The following ZNF730 variants were observed in gnomAD, a reference collection of about 807,000 sequenced individuals.
The protein encoded by ZNF730 is zinc finger protein 730.
ZNF730 carries 12 observed loss-of-function variants against 12.6 expected under a neutral mutation model. The ratio of observed to expected loss-of-function variants is 0.95; its 90% CI spans 0.61 to 1.54. The LOEUF is 1.54. Ranked by LOEUF, ZNF730 falls within the 40% of genes most tolerant of loss-of-function variation. The probability of loss-of-function intolerance (pLI) is 0.00; values close to 1 mark genes in which losing one functional copy is unlikely to be tolerated. For missense variants in ZNF730, 643 were observed against 583.5 expected (o/e 1.10, Z -1.05); for synonymous variants, 194 against 195.8 (o/e 0.99, Z 0.08).
At chr19:23,083,553 G>T (rs1970004235) in intron 1 of ZNF730, among the ~76,000 whole-genome samples, 1 of 151,578 alleles carries the variant, frequency 6.6e-6, no homozygotes, top group Admixed American at 6.6e-5. Flanking sequence ...CCCGCCAACA[G>T]TGTGTATGTG....
chr19:23,090,450 G>T (rs1195559776), intron 1 of ZNF730, among the ~76,000 whole-genome samples: 2 of 152,126 alleles, frequency 1.3e-5, no homozygotes, highest in Non-Finnish European at 2.9e-5. Context: ...TTCAAGAGGT[G>T]ACTTGGGTAC....
intron 1 of ZNF730, among the ~76,000 whole-genome samples, chr19:23,105,227 C>T (rs1436241372): frequency 1.3e-5 from 2 of 151,396 alleles, no homozygotes; most frequent in Non-Finnish European, 2.9e-5. Flanking sequence ...AAGCAATTCT[C>T]TGCCTCAGCC....
In ZNF730 at chr19:23,105,755, G is replaced by C. The variant is rs565117861; in HGVS notation, c.-93-28325G>C. On this transcript the variant is annotated intron_variant, in intron 1 of 2. Transcript: ENST00000593635. ...GCAAACCTTTTTGTGGCTGTGTATT[G>C]CTAACTTTATTTTCAATTGCAAAAA... 2.5e-4 allele frequency among the ~76,000 whole-genome samples: 38 copies of C among 152,234 alleles called. 1 individual carries two copies. The highest frequency in any genetic ancestry group is 9.1e-4 in the African/African-American group (38 of 41,552).
intron 1 of ZNF730, among the ~76,000 whole-genome samples, chr19:23,104,182 G>A (rs1042917611): frequency 2.0e-5 from 3 of 151,632 alleles, no homozygotes; most frequent in African/African-American, 7.3e-5. Context: ...GGCACCTCTA[G>A]TCTCAGCTAC....
rs1205278971 is a variant in ZNF730 at position 23,138,111 on chromosome 19, G to A, written c.226+2068G>A. Among the ~76,000 whole-genome samples, 3 of 63,708 alleles carry A rather than the reference G, an allele frequency of 4.7e-5. 1 individual carries two copies. Among genetic ancestry groups the A allele is most frequent in the Non-Finnish European group, 7.3e-5 (2 of 27,496 alleles). The allele number at this position is 63,708 out of a possible 152,430, so 41.8% of individuals were successfully genotyped here. A position where few individuals can be genotyped will look rare whatever the true frequency, so the allele number is the denominator to read the frequency against. ...ATCCCGGCTAAAACGGTGAAACCCCGTCTCTACTAAAAATACAAAAAATTA... is the reference window on the plus strand; with the variant it reads ...ATCCCGGCTAAAACGGTGAAACCCCATCTCTACTAAAAATACAAAAAATTA... On this transcript the variant is annotated intron_variant, in intron 3 of 3. Coordinates refer to ENST00000597761, the MANE Select transcript of ZNF730 (RefSeq NM_001277403.2).
chr19:23,089,091 C>T (rs933045266), intron 1 of ZNF730, among the ~76,000 whole-genome samples: 3 of 152,002 alleles, frequency 2.0e-5, no homozygotes, highest in Admixed American at 2.0e-4. Context: ...AGGCTGGTCT[C>T]GAACTCTCGA....
intron 1 of ZNF730, chr19:23,126,420 T>A (rs1038325366): frequency 9.8e-5 from 30 of 306,158 alleles, no homozygotes; most frequent in Non-Finnish European, 1.9e-4. Context: ...TACATGGTGC[T>A]GCTCCATGCT....
rs1327430237 is a variant in ZNF730 at position 23,111,879 on chromosome 19, T to C, written c.-93-22201T>C. On this transcript the variant is annotated intron_variant, in intron 1 of 2. Coordinates refer to the ZNF730 transcript ENST00000593635. ...AAAAAATATGTTGGCCATTTAAAAATAGTCATTGGAAGGCCTATGCACCTA... is the reference window on the plus strand; with the variant it reads ...AAAAAATATGTTGGCCATTTAAAAACAGTCATTGGAAGGCCTATGCACCTA... Among the ~76,000 whole-genome samples, 3 of 152,252 alleles carry C rather than the reference T, an allele frequency of 2.0e-5. No individual in the cohort carries two copies. In the East Asian group the frequency reaches 5.8e-4, roughly 29 times the overall value.
At chr19:23,085,836 C>CTTTTTTTTCTTT (rs1970052636) in intron 1 of ZNF730, among the ~76,000 whole-genome samples, 1 of 54,806 alleles carries the variant, frequency 1.8e-5, no homozygotes, top group African/African-American at 8.3e-5. Flanking sequence ...ATTTTTTTTT[C>CTTTTTTTTCTTT]TTTTTTTTTT....
intron 1 of ZNF730, among the ~76,000 whole-genome samples, chr19:23,108,137 C>A (rs2145564257): frequency 6.6e-6 from 1 of 152,276 alleles, no homozygotes; most frequent in Non-Finnish European, 1.5e-5. Context: ...AACATTTTTA[C>A]ATTCATTTGA....
chr19:23,142,293 C>T lies in ZNF730; in HGVS notation c.227-2978C>T, dbSNP rs7252587. On this transcript the variant is annotated intron_variant, in intron 3 of 3. Transcript: ENST00000597761. ...CATGAAGCATCTACTTCCATCTTCC[C>T]ACTTTCAGTCTGTTTTTATCATTAG... Among the ~76,000 whole-genome samples, 1,375 of 152,268 alleles carry T rather than the reference C, an allele frequency of 9.0e-3. 28 individuals carry two copies. Among genetic ancestry groups the T allele is most frequent in the African/African-American group, 0.032 (1,320 of 41,562 alleles).
intron 1 of ZNF730, among the ~76,000 whole-genome samples, chr19:23,092,663 T>C (rs1970177035): frequency 6.6e-6 from 1 of 152,006 alleles, no homozygotes; most frequent in South Asian, 2.1e-4. Flanking sequence ...CTTCAGATGA[T>C]CCGCCCACCT....
Position 23,085,826 on chromosome 19 carries a change from A to ATT in ZNF730, c.-94+10447_-94+10448dup, listed in dbSNP as rs1383951518. 1.5e-3 allele frequency among the ~76,000 whole-genome samples: 109 copies of ATT among 72,552 alleles called. 2 individuals are homozygous for ATT. The highest frequency in any genetic ancestry group is 5.4e-3 in the African/African-American group (90 of 16,776). 47.6% of individuals were successfully genotyped at this position (72,552 alleles called of 152,430 possible). A position where few individuals can be genotyped will look rare whatever the true frequency, so the allele number is the denominator to read the frequency against. ...ACCGCACCCAGACCTATTTCACCCA[A>ATT]TTTTTTTTTCTTTTTTTTTTTTTTT... On this transcript the variant is annotated intron_variant, in intron 1 of 2. Transcript: ENST00000593635.
At chr19:23,084,418 T>C (rs565368630) in intron 1 of ZNF730, among the ~76,000 whole-genome samples, 2 of 152,348 alleles carry the variant, frequency 1.3e-5, no homozygotes, top group Admixed American at 6.5e-5. Flanking sequence ...CAGATTACAT[T>C]TTAGAAACAA....
At position 23,146,751 on chromosome 19, in the gene ZNF730, A is replaced by C; in HGVS notation, c.*195A>C. On this transcript the variant is annotated 3_prime_UTR_variant, in exon 4 of 4. Coordinates refer to ENST00000597761, the MANE Select transcript of ZNF730 (RefSeq NM_001277403.2). ...ATGTGAAGAATGTGGCAAAGTCTTC[A>C]ACCAATCTTCACACCTTACTACACA... 1 of 1,205,798 alleles carries C rather than the reference A, an allele frequency of 8.3e-7. No individual in the cohort carries two copies. The highest frequency in any genetic ancestry group is 1.2e-6 in the Non-Finnish European group (1 of 810,100). 74.7% of individuals were successfully genotyped at this position (1,205,798 alleles called of 1,614,324 possible). A position where few individuals can be genotyped will look rare whatever the true frequency, so the allele number is the denominator to read the frequency against.
At chr19:23,102,560 A>G (rs1424795209) in intron 1 of ZNF730, among the ~76,000 whole-genome samples, 5 of 149,522 alleles carry the variant, frequency 3.3e-5, no homozygotes, top group Admixed American at 1.3e-4. Context: ...CAGTGGTGTG[A>G]TCTCAGCTCA....
Position 23,134,060 on chromosome 19 carries a change from T to C in ZNF730, c.4-20T>C, listed in dbSNP as rs1229826274. 6.2e-7 allele frequency: 1 copy of C among 1,611,510 alleles called. No individual in the cohort carries two copies. On this transcript the variant is annotated intron_variant, in intron 1 of 3. Coordinates refer to ENST00000597761, the MANE Select transcript of ZNF730 (RefSeq NM_001277403.2). The stretch of plus-strand genomic sequence containing the variant: ...CCCAGGGGCACTTGGTAAATATGTG[T>C]GTTTGTTTGTGTTTTTCAGGGAGCG...
In ZNF730 at chr19:23,110,617, G is replaced by A. The variant is rs1446616418; in HGVS notation, c.-93-23463G>A. Among the ~76,000 whole-genome samples the A allele has an allele frequency of 3.3e-5, 5 of 152,124 alleles. No homozygotes were observed. In the East Asian group the frequency reaches 7.7e-4, roughly 23 times the overall value. ...ATTTTAAGTCATTTCCACAGTTAATGGTCTAATTCTAATGCAGTTTCTCAA... is the reference window on the plus strand; with the variant it reads ...ATTTTAAGTCATTTCCACAGTTAATAGTCTAATTCTAATGCAGTTTCTCAA... On this transcript the variant is annotated intron_variant, in intron 1 of 2. Coordinates refer to the ZNF730 transcript ENST00000593635.
intron 1 of ZNF730, among the ~76,000 whole-genome samples, chr19:23,130,374 A>G (rs887759618): frequency 3.3e-5 from 5 of 152,182 alleles, no homozygotes; most frequent in African/African-American, 1.2e-4. Flanking sequence ...CTGTAAGTCC[A>G]TTAAATCTCT....
Sources: allele counts gnomAD v4.1 joint callset (sites outside exome capture counted in the v4.1 genomes callset), GRCh38; gene constraint gnomAD v4.1.1; transcripts MANE v1.5; gene names NCBI Gene and HGNC (gene_info 2026-07-23, HGNC 2026-07-21).